NEK7: variants seen among roughly 807,000 people sequenced by gnomAD.
NEK7 encodes NIMA related kinase 7.
NEK7 carries 18 observed loss-of-function variants against 44.6 expected under a neutral mutation model. That is an observed-to-expected ratio of 0.40 (90% CI 0.28 to 0.60). NEK7 has a LOEUF of 0.60. Ranked by LOEUF, NEK7 falls within the 20% of genes least tolerant of loss-of-function variation. The pLI is 0.38. For missense variants in NEK7, 256 were observed against 366.5 expected (o/e 0.70, Z 2.46); for synonymous variants, 130 against 121.1 (o/e 1.07, Z -0.48).
chr1:198,216,869 C>A (rs12036140), intron 1 of NEK7, among the ~76,000 whole-genome samples: 50,996 of 151,464 alleles, frequency 0.34, 9,815 homozygotes, highest in East Asian at 0.8. Flanking sequence ...TCCTCGAAAA[C>A]GACAACCCTT....
At chr1:198,252,654 GTA>G (rs576336260) in intron 2 of NEK7, among the ~76,000 whole-genome samples, 19 of 137,470 alleles carry the variant, frequency 1.4e-4, no homozygotes, top group Non-Finnish European at 2.3e-4. Context: ...AAACATATAT[GTA>G]TGTTTATATA....
intron 5 of NEK7, among the ~76,000 whole-genome samples, chr1:198,267,656 G>T (rs1354087089): frequency 6.6e-6 from 1 of 151,754 alleles, no homozygotes; most frequent in Non-Finnish European, 1.5e-5. Context: ...ATTGATCAGG[G>T]TGATCTCGAA....
chr1:198,236,442 A>G (rs1666546960), intron 2 of NEK7, among the ~76,000 whole-genome samples: 1 of 152,186 alleles, frequency 6.6e-6, no homozygotes, highest in Non-Finnish European at 1.5e-5. Context: ...ATTTATGGCC[A>G]TGAAACTCAA....
intron 3 of NEK7, chr1:198,256,561 C>T (rs1653273023): frequency 2.1e-6 from 3 of 1,438,264 alleles, no homozygotes; most frequent in African/African-American, 2.9e-5. Context: ...TCTCTTGCCT[C>T]CTTCTTCAGT....
chr1:198,229,103 A>C (rs984115405), intron 1 of NEK7, among the ~76,000 whole-genome samples: 33 of 152,226 alleles, frequency 2.2e-4, no homozygotes, highest in Middle Eastern at 3.4e-3. Context: ...GGGTTTTCCC[A>C]CTCAGTCTGT....
intron 2 of NEK7, among the ~76,000 whole-genome samples, chr1:198,246,049 A>G (rs1315766322): frequency 1.3e-5 from 2 of 152,148 alleles, no homozygotes; most frequent in Non-Finnish European, 2.9e-5. Flanking sequence ...GTTTGATGAT[A>G]CCATTTTTTA....
chr1:198,317,885 T>TA lies in NEK7; in HGVS notation c.799-1527_799-1526insA, dbSNP rs575293059. 7.5e-3 allele frequency among the ~76,000 whole-genome samples: 1,089 copies of TA among 144,508 alleles called. 19 individuals carry two copies. Among genetic ancestry groups the TA allele is most frequent in the African/African-American group, 0.025 (995 of 39,918 alleles). 94.8% of individuals were successfully genotyped at this position (144,508 alleles called of 152,430 possible). A position where few individuals can be genotyped will look rare whatever the true frequency, so the allele number is the denominator to read the frequency against. On this transcript the variant is annotated intron_variant, in intron 9 of 9. Transcript: ENST00000367385. ...TATTACTGGATATATTTATTTTTTT[T>TA]TTTTTTTTTTTTTTTGGTAACCTGG...
intron 2 of NEK7, among the ~76,000 whole-genome samples, chr1:198,233,745 C>CTTTTTTT (rs71133919): frequency 8.2e-6 from 1 of 121,950 alleles, no homozygotes; most frequent in African/African-American, 3.1e-5. Context: ...CTATGGGATC[C>CTTTTTTT]TTTTTTTTTT....
intron 1 of NEK7, among the ~76,000 whole-genome samples, chr1:198,174,256 G>A (rs1196292882): frequency 6.6e-6 from 1 of 152,018 alleles, no homozygotes; most frequent in Non-Finnish European, 1.5e-5. Flanking sequence ...TTGTTATTAA[G>A]TACAAGGATA....
intron 1 of NEK7, among the ~76,000 whole-genome samples, chr1:198,162,655 C>T (rs1336987896): frequency 3.9e-5 from 6 of 152,108 alleles, no homozygotes; most frequent in South Asian, 2.1e-4. Flanking sequence ...GCCCTGTCAC[C>T]CACTCTGCCT....
intron 1 of NEK7, chr1:198,198,246 T>G (rs1215598211): frequency 1.8e-6 from 1 of 563,020 alleles, no homozygotes; most frequent in Non-Finnish European, 3.3e-6. Flanking sequence ...TCTCCTCAGC[T>G]CAATACATTT....
chr1:198,304,229 CAA>C (rs1276042855), intron 9 of NEK7, among the ~76,000 whole-genome samples: 2 of 152,106 alleles, frequency 1.3e-5, no homozygotes, highest in African/African-American at 4.8e-5. Context: ...TCACAGTTTT[CAA>C]AAGACACTGA....
chr1:198,318,907 G>A (rs1313970103), intron 9 of NEK7, among the ~76,000 whole-genome samples: 1 of 151,930 alleles, frequency 6.6e-6, no homozygotes, highest in Non-Finnish European at 1.5e-5. Context: ...TTAGTTTAAA[G>A]GAGTGTTTTT....
chr1:198,159,085 C>T (rs1251349365), intron 1 of NEK7, among the ~76,000 whole-genome samples: 1 of 152,180 alleles, frequency 6.6e-6, no homozygotes, highest in Non-Finnish European at 1.5e-5. Flanking sequence ...GGAGGACCCT[C>T]CCGGAGGTGC....
At chr1:198,220,355 A>G (rs9943176) in intron 1 of NEK7, among the ~76,000 whole-genome samples, 51,020 of 151,690 alleles carry the variant, frequency 0.34, 9,810 homozygotes, top group East Asian at 0.8. Context: ...TCTCTCCAAA[A>G]AGCCCTAATT....
rs1348639188 is a variant in NEK7 at position 198,161,214 on chromosome 1, CTTA to C, written c.-29+3942_-29+3944del. On this transcript the variant is annotated intron_variant, in intron 1 of 9. Coordinates refer to ENST00000367385, the MANE Select transcript of NEK7 (RefSeq NM_133494.3). ...AATGGAAATAGGCCTTTTTGTAAAT[CTTA>C]TTAGTAGTCTTCTGTTGGTAGTGGG... Among the ~76,000 whole-genome samples, 3 of 152,050 alleles carry C rather than the reference CTTA, an allele frequency of 2.0e-5. No individual in the cohort carries two copies. In the South Asian group the frequency reaches 6.2e-4, roughly 31 times the overall value.
intron 2 of NEK7, among the ~76,000 whole-genome samples, chr1:198,250,975 G>A (rs1417539635): frequency 6.6e-6 from 1 of 152,136 alleles, no homozygotes; most frequent in Non-Finnish European, 1.5e-5. Flanking sequence ...CAAAGGGAAT[G>A]CTTCCAGTTT....
chr1:198,256,144 T>C (rs1653256385), intron 3 of NEK7, among the ~76,000 whole-genome samples: 1 of 152,198 alleles, frequency 6.6e-6, no homozygotes, highest in Non-Finnish European at 1.5e-5. Context: ...TTGAATACTT[T>C]GGTTGAGTTC....
intron 7 of NEK7, among the ~76,000 whole-genome samples, chr1:198,290,586 G>GA (rs1284340110): frequency 6.6e-6 from 1 of 152,094 alleles, no homozygotes; most frequent in Non-Finnish European, 1.5e-5. Context: ...AGCGTGTCAG[G>GA]AGACAGTAGA....
Sources: allele counts gnomAD v4.1 joint callset (sites outside exome capture counted in the v4.1 genomes callset), GRCh38; gene constraint gnomAD v4.1.1; transcripts MANE v1.5; gene names NCBI Gene and HGNC (gene_info 2026-07-23, HGNC 2026-07-21).